Variants in SEC22C observed in about 807,000 individuals in gnomAD.
The protein encoded by SEC22C is SEC22 homolog C, vesicle trafficking protein.
Under a neutral mutation model 34.7 loss-of-function variants are expected in SEC22C, and 29 were observed. That is an observed-to-expected ratio of 0.84 (90% CI 0.62 to 1.14). The LOEUF (loss-of-function observed/expected upper bound fraction) is 1.14. Among genes scored for constraint, SEC22C ranks in the 50% most tolerant of loss-of-function variants. SEC22C has a pLI of 0.00. For synonymous variants in SEC22C, 117 were observed against 132.8 expected (o/e 0.88, Z 0.82); for missense variants, 337 against 369.0 (o/e 0.91, Z 0.71).
At chr3:42,583,192 T>C (rs1433585934), upstream of SEC22C, among the ~76,000 whole-genome samples, 1 of 152,198 alleles carries the variant, frequency 6.6e-6, no homozygotes, top group Non-Finnish European at 1.5e-5. Context: ...GCTGCTAAAG[T>C]GCAGATCAAA....
intron 1 of SEC22C, chr3:42,590,661 A>G (rs907025893): frequency 1.0e-5 from 6 of 596,964 alleles, no homozygotes; most frequent in African/African-American, 1.9e-5. Flanking sequence ...CCCAGCCCCA[A>G]CCCACAAGTT....
At chr3:42,600,844 C>T in intron 1 of SEC22C, 1 of 461,234 alleles carries the variant, frequency 2.2e-6, no homozygotes, top group South Asian at 4.6e-5. Context: ...GGGAGGGGGC[C>T]TCGTCTTGGC....
In SEC22C at chr3:42,552,143, T is replaced by A. The variant is rs1015876734; in HGVS notation, c.*1105A>T. The stretch of plus-strand genomic sequence containing the variant: ...TTTTGACAGTGAAAGAGAGTAACTT[T>A]CCAGAGTATGTGTTAATTATATCTC... On this transcript the variant is annotated 3_prime_UTR_variant, in exon 7 of 7. Transcript: ENST00000264454. 1.0e-6 allele frequency: 1 copy of A among 985,372 alleles called. No homozygotes were observed. The highest frequency in any genetic ancestry group is 6.1e-5 in the Admixed American group (1 of 16,288). The allele number at this position is 985,372 out of a possible 1,614,324, so 61.0% of individuals were successfully genotyped here.
Position 42,552,718 on chromosome 3 carries a change from A to C in SEC22C, c.*530T>G. 1.0e-6 allele frequency: 1 copy of C among 980,906 alleles called. No homozygotes were observed. 60.8% of individuals were successfully genotyped at this position (980,906 alleles called of 1,614,324 possible). ...ATATTCCAAAGGTATATCGAACCTA[A>C]GATATTGAAAAAATGTAAACAAAAT... On this transcript the variant is annotated 3_prime_UTR_variant, in exon 7 of 7. Transcript: ENST00000264454.
In SEC22C at chr3:42,552,723, T is replaced by C. The variant is rs1702308999; in HGVS notation, c.*525A>G. ...CCAAAGGTATATCGAACCTAAGATA[T>C]TGAAAAAATGTAAACAAAATTTATC... On this transcript the variant is annotated 3_prime_UTR_variant, in exon 7 of 7. Coordinates refer to ENST00000264454, the MANE Select transcript of SEC22C (RefSeq NM_032970.4). The C allele has an allele frequency of 3.1e-6, 3 of 981,036 alleles. No homozygotes were observed. The highest frequency in any genetic ancestry group is 1.8e-5 in the African/African-American group (1 of 57,112). The allele number at this position is 981,036 out of a possible 1,614,324, so 60.8% of individuals were successfully genotyped here.
intron 1 of SEC22C, among the ~76,000 whole-genome samples, chr3:42,597,904 G>T (rs1015769887): frequency 6.6e-6 from 1 of 152,184 alleles, no homozygotes; most frequent in Non-Finnish European, 1.5e-5. Context: ...CATTAGGATG[G>T]CAATAAAGAA....
At position 42,548,456 on chromosome 3, in the gene SEC22C, TG is replaced by T; in HGVS notation, c.*4791del. On this transcript the variant is annotated 3_prime_UTR_variant, in exon 7 of 7. Coordinates refer to ENST00000264454, the MANE Select transcript of SEC22C (RefSeq NM_032970.4). ...GCAACAGCTCTGCCATCAATACACA[TG>T]GGCAGATGTTTCCGAATCCAGCCAT... 1.3e-6 allele frequency: 1 copy of T among 761,872 alleles called. No individual in the cohort carries two copies. The highest frequency in any genetic ancestry group is 2.2e-6 in the Non-Finnish European group (1 of 456,466). 47.2% of individuals were successfully genotyped at this position (761,872 alleles called of 1,614,324 possible). A position where few individuals can be genotyped will look rare whatever the true frequency, so the allele number is the denominator to read the frequency against.
upstream of SEC22C, among the ~76,000 whole-genome samples, chr3:42,582,639 C>T (rs778122951): frequency 1.7e-4 from 26 of 152,222 alleles, no homozygotes; most frequent in Non-Finnish European, 3.5e-4. Context: ...AGGGTGAGAG[C>T]ACCCTTCAAA....
intron 4 of SEC22C, among the ~76,000 whole-genome samples, chr3:42,559,982 T>C (rs1306926362): frequency 1.3e-5 from 2 of 151,710 alleles, no homozygotes; most frequent in Middle Eastern, 3.2e-3. Flanking sequence ...GTGAGAACGT[T>C]AGAAGCCCTG....
chr3:42,596,896 T>C (rs1705047325), intron 1 of SEC22C, among the ~76,000 whole-genome samples: 1 of 152,210 alleles, frequency 6.6e-6, no homozygotes, highest in Non-Finnish European at 1.5e-5. Flanking sequence ...GTTGTTTAAG[T>C]ATATCCCAAA....
intron 3 of SEC22C, among the ~76,000 whole-genome samples, chr3:42,562,277 C>T (rs6772312): frequency 0.033 from 5,063 of 152,244 alleles, 139 homozygotes; most frequent in East Asian, 0.12. Flanking sequence ...AGAAGGAAGG[C>T]ACATGCAGAG....
chr3:42,592,045 CACACACA>C (rs780349743), intron 1 of SEC22C, among the ~76,000 whole-genome samples: 1 of 152,162 alleles, frequency 6.6e-6, no homozygotes, highest in Non-Finnish European at 1.5e-5. Flanking sequence ...GTTAGTGACA[CACACACA>C]AAGACAAACA....
upstream of SEC22C, among the ~76,000 whole-genome samples, chr3:42,584,942 C>G (rs1462982551): frequency 6.6e-6 from 1 of 152,108 alleles, no homozygotes; most frequent in Non-Finnish European, 1.5e-5. Flanking sequence ...GCCTGTCCAA[C>G]ATGGCAAAAC....
rs1702091437 is a variant in SEC22C at position 42,548,459 on chromosome 3, G to A, written c.*4789C>T. ...ACAGCTCTGCCATCAATACACATGG[G>A]CAGATGTTTCCGAATCCAGCCATTC... On this transcript the variant is annotated 3_prime_UTR_variant, in exon 7 of 7. Coordinates refer to ENST00000264454, the MANE Select transcript of SEC22C (RefSeq NM_032970.4). 3.8e-6 allele frequency: 3 copies of A among 784,224 alleles called. No homozygotes were observed. Among genetic ancestry groups the A allele is most frequent in the Non-Finnish European group, 6.3e-6 (3 of 472,760 alleles). 48.6% of individuals were successfully genotyped at this position (784,224 alleles called of 1,614,324 possible).
At chr3:42,560,120 C>CTATA (rs534462968) in intron 4 of SEC22C, among the ~76,000 whole-genome samples, 34 of 92,946 alleles carry the variant, frequency 3.7e-4, no homozygotes, top group African/African-American at 1.3e-3. Flanking sequence ...CTCTCTCTCT[C>CTATA]TATATATATA....
intron 1 of SEC22C, among the ~76,000 whole-genome samples, chr3:42,590,367 G>A (rs1704776723): frequency 6.6e-6 from 1 of 152,140 alleles, no homozygotes; most frequent in Non-Finnish European, 1.5e-5. Context: ...CAGATAGATT[G>A]AGTATGCACA....
In SEC22C at chr3:42,555,918, C is replaced by T. The variant is rs144058451; in HGVS notation, c.711+12G>A. 19,959 of 1,607,566 alleles carry T rather than the reference C, an allele frequency of 0.012. 164 individuals carry two copies. The highest frequency in any genetic ancestry group is 0.016 in the Middle Eastern group (96 of 6,044). ...GGATTTAATCCACTGACCAAAATAT[C>T]GTTTCACCCACCTGGAAAATGCAGG... On this transcript the variant is annotated intron_variant, in intron 6 of 6. Transcript: ENST00000264454.
intron 1 of SEC22C, chr3:42,590,737 C>T: frequency 2.6e-6 from 2 of 779,048 alleles, no homozygotes; most frequent in Non-Finnish European, 2.2e-6. Context: ...GGGCTGGGAC[C>T]GAGGAAAGCG....
At chr3:42,580,258 A>C (rs760020619) in intron 1 of SEC22C, among the ~76,000 whole-genome samples, 2 of 152,232 alleles carry the variant, frequency 1.3e-5, no homozygotes, top group Admixed American at 1.3e-4. Flanking sequence ...AAAGAAAGAG[A>C]AAAACAGAGA....
Sources: gnomAD v4.1 joint callset for allele counts (sites outside exome capture counted in the v4.1 genomes callset) on GRCh38, gnomAD v4.1.1 for gene constraint, MANE v1.5 for transcripts, NCBI Gene and HGNC (gene_info 2026-07-23, HGNC 2026-07-21) for gene names.